NFATC2: variants seen among roughly 807,000 people sequenced by gnomAD.
The protein encoded by NFATC2 is nuclear factor of activated T-cells, cytoplasmic 2.
Under a neutral mutation model 87.3 loss-of-function variants are expected in NFATC2, and 22 were observed. That is an observed-to-expected ratio of 0.25 (90% CI 0.18 to 0.36). The LOEUF (loss-of-function observed/expected upper bound fraction) is 0.36. NFATC2 is among the 10% of genes least tolerant of loss of function. NFATC2 has a pLI of 1.00. For missense variants in NFATC2, 1,149 were observed against 1,259.1 expected, an observed-to-expected ratio of 0.91 and a Z score of 1.32; for synonymous variants, 565 against 542.2, an observed-to-expected ratio of 1.04 and a Z score of -0.58.
At chr20:51,421,659 G>A (rs1980942255) in intron 9 of NFATC2, among the ~76,000 whole-genome samples, 1 of 152,242 alleles carries the variant, frequency 6.6e-6, no homozygotes, top group East Asian at 1.9e-4. Flanking sequence ...CATGCAGGAG[G>A]TGGGGCCCAA....
At chr20:51,513,469 A>C (rs1414833152) in intron 3 of NFATC2, among the ~76,000 whole-genome samples, 2 of 152,222 alleles carry the variant, frequency 1.3e-5, no homozygotes, top group Non-Finnish European at 2.9e-5. Flanking sequence ...ACAAAGCAAG[A>C]TCCTATCTCT....
intron 3 of NFATC2, among the ~76,000 whole-genome samples, chr20:51,489,691 A>G (rs2075849548): frequency 6.6e-6 from 1 of 152,212 alleles, no homozygotes; most frequent in Non-Finnish European, 1.5e-5. Flanking sequence ...CTTCAAAAAC[A>G]ATGATTTCTC....
At chr20:51,440,901 C>T (rs537167242) in intron 6 of NFATC2, among the ~76,000 whole-genome samples, 10 of 152,228 alleles carry the variant, frequency 6.6e-5, no homozygotes, top group East Asian at 3.8e-4. Context: ...CCCGCATCCA[C>T]GGGTGCACAA....
At chr20:51,428,170 G>A (rs962022201) in intron 9 of NFATC2, among the ~76,000 whole-genome samples, 2 of 152,150 alleles carry the variant, frequency 1.3e-5, no homozygotes, top group Non-Finnish European at 2.9e-5. Context: ...GAAAGGTAGG[G>A]AAGAATGAGG....
At chr20:51,454,243 T>C (rs182181444) in intron 6 of NFATC2, among the ~76,000 whole-genome samples, 4 of 152,208 alleles carry the variant, frequency 2.6e-5, no homozygotes, top group Admixed American at 1.3e-4. Context: ...TTCTTGATAA[T>C]AGCAAAAAGT....
At chr20:51,448,860 T>C (rs1056041544) in intron 6 of NFATC2, among the ~76,000 whole-genome samples, 9 of 152,098 alleles carry the variant, frequency 5.9e-5, no homozygotes, top group African/African-American at 1.7e-4. Flanking sequence ...TAATCAAAAA[T>C]AGTAATACAA....
In NFATC2 at chr20:51,505,412, A is replaced by C. The variant is rs544408273; in HGVS notation, c.1332+11372T>G. The stretch of plus-strand genomic sequence containing the variant: ...AAAATACAGGGGCACAGACACACAA[A>C]TACATATCGGTGTACATACACATTG... On this transcript the variant is annotated intron_variant, in intron 3 of 10. Coordinates refer to ENST00000371564, the MANE Select transcript of NFATC2 (RefSeq NM_012340.5). Among the ~76,000 whole-genome samples the C allele has an allele frequency of 6.4e-4, 97 of 151,938 alleles. 2 individuals are homozygous for C. Among genetic ancestry groups the C allele is most frequent in the Non-Finnish European group, 1.2e-3 (82 of 67,980 alleles).
At chr20:51,398,570 T>TAAA in intron 10 of NFATC2, 73 bp downstream of exon 10, 1 of 854,760 alleles carries the variant, frequency 1.2e-6, no homozygotes, top group Non-Finnish European at 1.7e-6. Flanking sequence ...ATACTTTACT[T>TAAA]AAAAAAAAAA....
chr20:51,536,843 A>G (rs1286154190), intron 1 of NFATC2, among the ~76,000 whole-genome samples: 1 of 152,168 alleles, frequency 6.6e-6, no homozygotes, highest in Non-Finnish European at 1.5e-5. Context: ...TGAATGTCAC[A>G]TGTGTTTAGT....
intron 9 of NFATC2, among the ~76,000 whole-genome samples, chr20:51,404,209 G>T (rs561948211): frequency 2.6e-5 from 4 of 152,174 alleles, no homozygotes; most frequent in Admixed American, 2.6e-4. Flanking sequence ...CTGTCCTGGC[G>T]AGGGGCTCAC....
chr20:51,422,333 T>C (rs1568953608), intron 9 of NFATC2, among the ~76,000 whole-genome samples: 1 of 152,116 alleles, frequency 6.6e-6, no homozygotes, highest in Non-Finnish European at 1.5e-5. Flanking sequence ...AGCAGCAGAA[T>C]TTGTTGCTGA....
At position 51,391,231 on chromosome 20, in the gene NFATC2, A is replaced by C. The variant is rs1357829008; in HGVS notation, c.*265T>G. On this transcript the variant is annotated 3_prime_UTR_variant, in exon 11 of 11. Coordinates refer to ENST00000371564, the MANE Select transcript of NFATC2 (RefSeq NM_012340.5). ...AAGAAGAGTTCTCTCTGGTGTTTAG[A>C]GGGAGGTGGCGAGCTCCTTAAGTGA... 1 of 753,294 alleles carries C rather than the reference A, an allele frequency of 1.3e-6. No individual in the cohort carries two copies. Among genetic ancestry groups the C allele is most frequent in the Non-Finnish European group, 2.4e-6 (1 of 410,620 alleles). The allele number at this position is 753,294 out of a possible 1,614,324, so 46.7% of individuals were successfully genotyped here.
chr20:51,451,517 T>C (rs1337597839), intron 6 of NFATC2, among the ~76,000 whole-genome samples: 1 of 152,182 alleles, frequency 6.6e-6, no homozygotes, highest in African/African-American at 2.4e-5. Flanking sequence ...GCCAAGTCAT[T>C]ATCTGGGCCA....
At chr20:51,550,838 TAC>T (rs1394626928) in intron 1 of NFATC2, among the ~76,000 whole-genome samples, 1 of 152,172 alleles carries the variant, frequency 6.6e-6, no homozygotes, top group African/African-American at 2.4e-5. Flanking sequence ...GTACCCAAAG[TAC>T]AGTTTCTACT....
Position 51,388,283 on chromosome 20 carries a change from G to A in NFATC2, c.*3213C>T, listed in dbSNP as rs1372263556. 1 of 152,150 alleles carries A rather than the reference G, an allele frequency of 6.6e-6. No homozygotes were observed. Among genetic ancestry groups the A allele is most frequent in the African/African-American group, 2.4e-5 (1 of 41,422 alleles). The allele number at this position is 152,150 out of a possible 1,614,324, so 9.4% of individuals were successfully genotyped here. A position where few individuals can be genotyped will look rare whatever the true frequency, so the allele number is the denominator to read the frequency against. On this transcript the variant is annotated 3_prime_UTR_variant, in exon 11 of 11. Coordinates refer to ENST00000371564, the MANE Select transcript of NFATC2 (RefSeq NM_012340.5). ...TTAGTTATTTTGGGGGGAGGATCTAGACACTTGATGATTCTCAGTGACCAG... is the reference window on the plus strand; with the variant it reads ...TTAGTTATTTTGGGGGGAGGATCTAAACACTTGATGATTCTCAGTGACCAG...
intron 9 of NFATC2, among the ~76,000 whole-genome samples, chr20:51,409,545 TG>T (rs1978878510): frequency 6.6e-6 from 1 of 152,190 alleles, no homozygotes; most frequent in South Asian, 2.1e-4. Flanking sequence ...CCAGAATCAC[TG>T]AGCATCATGG....
intron 3 of NFATC2, among the ~76,000 whole-genome samples, chr20:51,486,904 A>T (rs534154333): frequency 6.6e-6 from 1 of 152,262 alleles, no homozygotes; most frequent in South Asian, 2.1e-4. Context: ...AATTACACTG[A>T]AAGTCAGAAG....
At position 51,432,649 on chromosome 20, in the gene NFATC2, C is replaced by A; in HGVS notation, c.2140G>T (p.Val714Leu). 6.5e-7 allele frequency: 1 copy of A among 1,545,914 alleles called. No individual in the cohort carries two copies. ...ACGAGGCAGGAGGGGGACTCGGCCACCATCGGGTGCTGGGGGTAGTAAGGC... is the reference window on the plus strand; with the variant it reads ...ACGAGGCAGGAGGGGGACTCGGCCAACATCGGGTGCTGGGGGTAGTAAGGC... ...SQPYYPQHPM[V>L]AESPSCLVAT... Residue 714 changes from valine to leucine, a missense_variant, in exon 9 of 11, where the codon GTG becomes TTG. By Grantham distance (32) the Val-to-Leu change is conservative. Around this residue, in one of 3 missense-constraint regions of NFATC2, gnomAD observed 581 missense variants for 649.7 expected, o/e 0.89. Coordinates refer to ENST00000371564, the MANE Select transcript of NFATC2 (RefSeq NM_012340.5). The surrounding 1 kb of genome is among the most constrained non-coding windows in gnomAD (Gnocchi z 4.6).
At chr20:51,510,821 T>C (rs908032220) in intron 3 of NFATC2, among the ~76,000 whole-genome samples, 8 of 152,168 alleles carry the variant, frequency 5.3e-5, no homozygotes, top group Non-Finnish European at 7.3e-5. Flanking sequence ...ACTACCTCGA[T>C]CCGGCTGTTA....
Sources: gnomAD v4.1 joint callset for allele counts (sites outside exome capture counted in the v4.1 genomes callset) on GRCh38, gnomAD v4.1.1 for gene constraint, gnomAD v4.1.1 regional missense constraint, Gnocchi (gnomAD v3.1) non-coding constraint, MANE v1.5 for transcripts, NCBI Gene and HGNC (gene_info 2026-07-23, HGNC 2026-07-21) for gene names.